The following CIRSR variants were observed in gnomAD, a reference collection of about 807,000 sequenced individuals.
CIRSR encodes the protein corepressor of RBPJ and splicing regulator, also known as CBF1 (RBPJ) interacting corepressor 1.
chr2:174,381,870 T>C, the CIRSR span: 1 of 794,904 alleles, frequency 1.3e-6, no homozygotes, highest in Non-Finnish European at 2.0e-6. Flanking sequence ...CTAAGGGAAT[T>C]AAGATAAAAT....
the CIRSR span, chr2:174,378,957 T>C: frequency 6.2e-7 from 1 of 1,613,478 alleles, no homozygotes. Context: ...TTGCATTGAT[T>C]CCAGAAAGAC....
the CIRSR span, chr2:174,349,177 A>G: frequency 2.2e-6 from 3 of 1,358,900 alleles, no homozygotes; most frequent in African/African-American, 4.4e-5. Context: ...AATTTCCTGT[A>G]ATTGGGAAAT....
chr2:174,368,355 G>T, the CIRSR span, among the ~76,000 whole-genome samples: 1 of 152,260 alleles, frequency 6.6e-6, no homozygotes. Flanking sequence ...TAAAAGAATA[G>T]AAATCATACA....
At chr2:174,384,052 A>G in the CIRSR span, among the ~76,000 whole-genome samples, 1 of 152,210 alleles carries the variant, frequency 6.6e-6, no homozygotes. Context: ...ACTAAAAACA[A>G]GGACTTGACC....
At chr2:174,362,686 CAAAAAAAAAAAA>C in the CIRSR span, among the ~76,000 whole-genome samples, 2 of 20,654 alleles carry the variant, frequency 9.7e-5, no homozygotes, top group Non-Finnish European at 2.7e-4. Flanking sequence ...GACTCTGCCT[CAAAAAAAAAAAA>C]AAAAAAAAAA....
chr2:174,389,342 T>A, the CIRSR span, among the ~76,000 whole-genome samples: 15 of 152,162 alleles, frequency 9.9e-5, no homozygotes, highest in African/African-American at 3.4e-4. Flanking sequence ...TGAGGTGGTC[T>A]CAGATGGAGA....
At chr2:174,348,563 A>G in the CIRSR span, 3 of 1,614,008 alleles carry the variant, frequency 1.9e-6, no homozygotes, top group South Asian at 3.3e-5. Context: ...TTTCTCCTCT[A>G]TACAAGTCTG....
chr2:174,372,252 T>C, the CIRSR span, among the ~76,000 whole-genome samples: 1 of 152,186 alleles, frequency 6.6e-6, no homozygotes, highest in Non-Finnish European at 1.5e-5. Flanking sequence ...AACTTATAAA[T>C]GTAATGTACC....
the CIRSR span, chr2:174,350,875 G>A: frequency 2.8e-5 from 19 of 677,460 alleles, no homozygotes; most frequent in African/African-American, 2.8e-4. Flanking sequence ...TTTTGGATTG[G>A]GAAGTGGGAG....
the CIRSR span, among the ~76,000 whole-genome samples, chr2:174,379,716 CTTTTTTTTTT>C: frequency 1.2e-5 from 1 of 83,716 alleles, no homozygotes; most frequent in African/African-American, 4.5e-5. Context: ...TGATTCCTGT[CTTTTTTTTTT>C]TTTTTTTTTT....
At chr2:174,366,400 C>T in the CIRSR span, among the ~76,000 whole-genome samples, 3 of 152,140 alleles carry the variant, frequency 2.0e-5, no homozygotes, top group Non-Finnish European at 2.9e-5. Context: ...AAGCATATCA[C>T]ATTCACACTG....
At chr2:174,376,593 C>T in the CIRSR span, among the ~76,000 whole-genome samples, 1 of 150,748 alleles carries the variant, frequency 6.6e-6, no homozygotes, top group African/African-American at 2.4e-5. Flanking sequence ...GTCAGGAGAT[C>T]AAGACCATCC....
chr2:174,383,849 C>CAAAAAAAAAAAAAAAAAAAAAAAAAAAAA, the CIRSR span, among the ~76,000 whole-genome samples: 1 of 121,470 alleles, frequency 8.2e-6, no homozygotes. Flanking sequence ...AGCTATCTTC[C>CAAAAAAAAAAAAAAAAAAAAAAAAAAAAA]AAAAAAAAAA....
chr2:174,351,778 T>C, the CIRSR span: 1 of 1,435,142 alleles, frequency 7.0e-7, no homozygotes, highest in East Asian at 2.4e-5. Flanking sequence ...TCTACCTTTT[T>C]CGGACTCCAC....
At chr2:174,349,923 T>C in the CIRSR span, among the ~76,000 whole-genome samples, 1 of 152,152 alleles carries the variant, frequency 6.6e-6, no homozygotes, top group Non-Finnish European at 1.5e-5. Flanking sequence ...TTATCAAAAT[T>C]CAAGAGAATA....
At chr2:174,370,055 T>A in the CIRSR span, 1 of 1,359,306 alleles carries the variant, frequency 7.4e-7, no homozygotes, top group African/African-American at 1.5e-5. Flanking sequence ...AAATAAGGCA[T>A]GCCTGCATTA....
the CIRSR span, among the ~76,000 whole-genome samples, chr2:174,389,598 C>T: frequency 2.0e-5 from 3 of 152,230 alleles, no homozygotes; most frequent in African/African-American, 4.8e-5. Flanking sequence ...AAATTCAAGC[C>T]GGCTGCAGAA....
the CIRSR span, among the ~76,000 whole-genome samples, chr2:174,361,521 C>T: frequency 1.8e-4 from 27 of 152,264 alleles, no homozygotes; most frequent in South Asian, 4.8e-3. Flanking sequence ...GCCTTCAACA[C>T]GAAAGGTTTA....
At chr2:174,390,385 A>G in the CIRSR span, among the ~76,000 whole-genome samples, 1 of 152,248 alleles carries the variant, frequency 6.6e-6, no homozygotes, top group South Asian at 2.1e-4. Flanking sequence ...TGTTTTGTCC[A>G]AATTGTCCCA....
Sources: gnomAD v4.1 joint callset for allele counts (sites outside exome capture counted in the v4.1 genomes callset) on GRCh38, gnomAD v4.1.1 for gene constraint, MANE v1.5 for transcripts, NCBI Gene and HGNC (gene_info 2026-07-23, HGNC 2026-07-21) for gene names.